NUBPL: variants seen among roughly 807,000 people sequenced by gnomAD.
NUBPL encodes NUBP iron-sulfur cluster assembly factor, mitochondrial, also known as iron-sulfur cluster transfer protein NUBPL.
A neutral mutation model predicts 45.7 loss-of-function variants in NUBPL; 31 were observed. The observed-to-expected ratio is 0.68, with a 90% CI of 0.51 to 0.92. The LOEUF is 0.92. Among genes scored for constraint, NUBPL ranks in the 40% least tolerant of loss-of-function variants. NUBPL has a pLI of 0.00. For synonymous variants in NUBPL, 144 were observed against 140.9 expected, an observed-to-expected ratio of 1.02 and a Z score of -0.15; for missense variants, 401 against 398.7, an observed-to-expected ratio of 1.01 and a Z score of -0.05.
At chr14:31,641,012 C>G (rs2035679494) in intron 4 of NUBPL, among the ~76,000 whole-genome samples, 1 of 152,026 alleles carries the variant, frequency 6.6e-6, no homozygotes, top group African/African-American at 2.4e-5. Context: ...AGTGCAGTGA[C>G]ACGATCTCAG....
At chr14:31,783,164 G>A (rs1474036278) in intron 6 of NUBPL, among the ~76,000 whole-genome samples, 1 of 152,194 alleles carries the variant, frequency 6.6e-6, no homozygotes, top group African/African-American at 2.4e-5. Context: ...GCTTTTATAA[G>A]CATAGGGTAA....
chr14:31,676,532 T>C (rs1365662066), intron 6 of NUBPL, among the ~76,000 whole-genome samples: 1 of 152,030 alleles, frequency 6.6e-6, no homozygotes, highest in Non-Finnish European at 1.5e-5. Context: ...ATAATACTTT[T>C]ACAGTTGTTC....
rs372064671 is a variant in NUBPL at position 31,613,435 on chromosome 14, T to C, written c.382+14056T>C. ...TAATAACTTATTGTACATTTAAAAA[T>C]AACTAAGAGAGTGTAATTGGATTTT... On this transcript the variant is annotated intron_variant, in intron 4 of 10. Coordinates refer to ENST00000281081, the MANE Select transcript of NUBPL (RefSeq NM_025152.3). Among the ~76,000 whole-genome samples the C allele has an allele frequency of 2.5e-4, 38 of 152,074 alleles. No individual in the cohort carries two copies. The East Asian group carries it at 6.8e-3, about 27-fold the overall frequency.
At chr14:31,654,105 C>A (rs28536186) in intron 4 of NUBPL, 13,966 of 454,450 alleles carry the variant, frequency 0.031, 331 homozygotes, top group African/African-American at 0.079. Flanking sequence ...TTGTTCCAGA[C>A]CACCACAATA....
Position 31,563,393 on chromosome 14 carries a change from C to T in NUBPL, c.256+1178C>T, listed in dbSNP as rs184656658. 2.1e-3 allele frequency among the ~76,000 whole-genome samples: 319 copies of T among 152,264 alleles called. 1 individual carries two copies. The highest frequency in any genetic ancestry group is 7.3e-3 in the African/African-American group (304 of 41,550). ...TGATTGTTGCCATGAAATGTGAAAG[C>T]ATTTAAACAGGAAAATGTATGAGAA... On this transcript the variant is annotated intron_variant, in intron 2 of 10. Coordinates refer to ENST00000281081, the MANE Select transcript of NUBPL (RefSeq NM_025152.3).
At chr14:31,656,659 A>G (rs1470208238) in intron 4 of NUBPL, among the ~76,000 whole-genome samples, 2 of 152,310 alleles carry the variant, frequency 1.3e-5, no homozygotes, top group South Asian at 2.1e-4. Flanking sequence ...ATAGGTTTGC[A>G]TCTTATGTGG....
At chr14:31,741,928 C>T (rs1418985978) in intron 6 of NUBPL, among the ~76,000 whole-genome samples, 1 of 151,970 alleles carries the variant, frequency 6.6e-6, no homozygotes, top group Non-Finnish European at 1.5e-5. Flanking sequence ...TAAGCTCCTT[C>T]CATGCCAGAC....
At chr14:31,579,480 T>C (rs2033807016) in intron 3 of NUBPL, among the ~76,000 whole-genome samples, 1 of 152,194 alleles carries the variant, frequency 6.6e-6, no homozygotes, top group Admixed American at 6.5e-5. Context: ...CCCAAGCTGA[T>C]ATATGCAACA....
In NUBPL at chr14:31,816,294, C is replaced by A. The variant is rs146319135; in HGVS notation, c.608-10335C>A. Among the ~76,000 whole-genome samples the A allele has an allele frequency of 1.8e-3, 280 of 152,232 alleles. 1 individual carries two copies. The highest frequency in any genetic ancestry group is 6.4e-3 in the African/African-American group (266 of 41,542). ...GTGTCCTGAAATTTATCCATTTCTCCTAGATGTTCTAGTTTATTTGCATAG... is the reference window on the plus strand; with the variant it reads ...GTGTCCTGAAATTTATCCATTTCTCATAGATGTTCTAGTTTATTTGCATAG... On this transcript the variant is annotated intron_variant, in intron 7 of 10. Transcript: ENST00000281081.
At chr14:31,568,402 C>A (rs1047177599) in intron 3 of NUBPL, among the ~76,000 whole-genome samples, 1 of 152,104 alleles carries the variant, frequency 6.6e-6, no homozygotes, top group African/African-American at 2.4e-5. Context: ...ACACGCCCTT[C>A]GAGGCTGAAC....
chr14:31,700,775 C>T (rs1016149203), intron 6 of NUBPL, among the ~76,000 whole-genome samples: 10 of 152,176 alleles, frequency 6.6e-5, no homozygotes, highest in Admixed American at 4.6e-4. Flanking sequence ...CCTCAGCCGC[C>T]CCTCCACAGG....
In NUBPL at chr14:31,789,315, G is replaced by A. The variant is rs552697075; in HGVS notation, c.607+1442G>A. On this transcript the variant is annotated intron_variant, in intron 7 of 10. Coordinates refer to ENST00000281081, the MANE Select transcript of NUBPL (RefSeq NM_025152.3). The stretch of plus-strand genomic sequence containing the variant: ...CGCTCCAGCCTGGGCGACAGAGTGA[G>A]ACTCTTGTCTCAAAAGAAAAAAAAT... Among the ~76,000 whole-genome samples, 3 of 852 alleles carry A rather than the reference G, an allele frequency of 3.5e-3. No homozygotes were observed. In the Non-Finnish European group the frequency reaches 0.094, roughly 27 times the overall value. The allele number at this position is 852 out of a possible 152,430, so 0.6% of individuals were successfully genotyped here.
chr14:31,798,814 A>T (rs1053937546), intron 7 of NUBPL, among the ~76,000 whole-genome samples: 1 of 150,870 alleles, frequency 6.6e-6, no homozygotes, highest in Non-Finnish European at 1.5e-5. Context: ...AAAAAAAAAA[A>T]AAAGAAATTA....
intron 8 of NUBPL, among the ~76,000 whole-genome samples, chr14:31,837,869 G>A (rs1450178033): frequency 6.6e-6 from 1 of 152,146 alleles, no homozygotes; most frequent in Admixed American, 6.5e-5. Flanking sequence ...ACAGACTCCA[G>A]AAAAATGAGG....
chr14:31,769,648 C>T (rs1325786447), intron 6 of NUBPL, among the ~76,000 whole-genome samples: 2 of 149,678 alleles, frequency 1.3e-5, no homozygotes, highest in African/African-American at 5.0e-5. Context: ...ATAAGGTAAC[C>T]CTCTCCTTTT....
At chr14:31,654,449 C>T (rs888018086) in intron 4 of NUBPL, among the ~76,000 whole-genome samples, 6 of 149,546 alleles carry the variant, frequency 4.0e-5, no homozygotes, top group African/African-American at 1.5e-4. Flanking sequence ...CGCTCTGTTG[C>T]CCAGGCTGGA....
At chr14:31,657,520 C>T (rs1475322956) in intron 4 of NUBPL, among the ~76,000 whole-genome samples, 1 of 152,122 alleles carries the variant, frequency 6.6e-6, no homozygotes, top group Admixed American at 6.6e-5. Flanking sequence ...TATTTATTTT[C>T]TATTTTTGTC....
At chr14:31,580,308 A>T (rs1291687147) in intron 3 of NUBPL, among the ~76,000 whole-genome samples, 2 of 152,200 alleles carry the variant, frequency 1.3e-5, no homozygotes, top group African/African-American at 2.4e-5. Context: ...AAAAAATAAT[A>T]AAAAAGTGTA....
rs948734848 is a variant in NUBPL, at chr14:31,668,596, G to A, written c.383-4759G>A. On this transcript the variant is annotated intron_variant, in intron 4 of 10. Transcript: ENST00000281081. The stretch of plus-strand genomic sequence containing the variant: ...TCACACTGGGGTTCCAGGTGCCATT[G>A]GGGTATGAAAAAACACTCCTGCAGC... Among the ~76,000 whole-genome samples, 5 of 152,126 alleles carry A rather than the reference G, an allele frequency of 3.3e-5. No individual in the cohort carries two copies. The East Asian group carries it at 9.7e-4, about 29-fold the overall frequency.
Sources: allele counts gnomAD v4.1 joint callset (sites outside exome capture counted in the v4.1 genomes callset), GRCh38; gene constraint gnomAD v4.1.1; transcripts MANE v1.5; gene names NCBI Gene and HGNC (gene_info 2026-07-23, HGNC 2026-07-21).